The following PPARGC1A variants were observed in gnomAD, a reference collection of about 807,000 sequenced individuals.
The protein encoded by PPARGC1A is peroxisome proliferator-activated receptor gamma coactivator 1-alpha.
A neutral mutation model predicts 88.7 loss-of-function variants in PPARGC1A; 25 were observed. The ratio of observed to expected loss-of-function variants is 0.28; its 90% confidence interval spans 0.21 to 0.39. The LOEUF is 0.39. PPARGC1A is among the 10% of genes least tolerant of loss of function. The pLI is 1.00. For missense variants in PPARGC1A, 880 were observed against 968.7 expected, an observed-to-expected ratio of 0.91 and a Z score of 1.22; for synonymous variants, 363 against 355.6, an observed-to-expected ratio of 1.02 and a Z score of -0.24.
the PPARGC1A span, among the ~76,000 whole-genome samples, chr4:24,206,288 T>C: frequency 3.9e-5 from 6 of 152,218 alleles, no homozygotes; most frequent in Non-Finnish European, 5.9e-5. Context: ...CCTTCTCACC[T>C]AAATTAAGAA....
At chr4:24,046,538 A>C in the PPARGC1A span, among the ~76,000 whole-genome samples, 1 of 152,232 alleles carries the variant, frequency 6.6e-6, no homozygotes, top group Admixed American at 6.5e-5. Flanking sequence ...TTTGCAATGC[A>C]AACTCGACCA....
chr4:23,840,231 G>T (rs1400389192), intron 2 of PPARGC1A, among the ~76,000 whole-genome samples: 1 of 151,992 alleles, frequency 6.6e-6, no homozygotes, highest in East Asian at 1.9e-4. Context: ...GAGGGAGAGC[G>T]GATAGTGCAC....
the PPARGC1A span, among the ~76,000 whole-genome samples, chr4:23,914,672 T>C: frequency 5.3e-5 from 8 of 151,938 alleles, no homozygotes; most frequent in South Asian, 6.3e-4. Flanking sequence ...TCTTCAAAAT[T>C]GTATTTAAAA....
chr4:24,202,911 A>G, the PPARGC1A span, among the ~76,000 whole-genome samples: 1 of 152,192 alleles, frequency 6.6e-6, no homozygotes, highest in Non-Finnish European at 1.5e-5. Flanking sequence ...AGCTTTAAAG[A>G]GTCCACAGTG....
chr4:23,976,389 C>G, the PPARGC1A span, among the ~76,000 whole-genome samples: 1 of 152,164 alleles, frequency 6.6e-6, no homozygotes, highest in Non-Finnish European at 1.5e-5. Flanking sequence ...GGGGTGTTAA[C>G]ACCTTCACAA....
the PPARGC1A span, among the ~76,000 whole-genome samples, chr4:23,982,776 G>C: frequency 6.6e-6 from 1 of 152,182 alleles, no homozygotes; most frequent in Non-Finnish European, 1.5e-5. Flanking sequence ...CACATGGAGA[G>C]AGTTGTAAAG....
the PPARGC1A span, among the ~76,000 whole-genome samples, chr4:23,964,127 G>T: frequency 1.3e-5 from 2 of 152,262 alleles, no homozygotes; most frequent in South Asian, 4.1e-4. Flanking sequence ...ATGCTTCAAT[G>T]GTGCCTGCCT....
the PPARGC1A span, among the ~76,000 whole-genome samples, chr4:24,283,597 C>G: frequency 5.3e-5 from 8 of 152,280 alleles, no homozygotes; most frequent in Admixed American, 1.3e-4. Context: ...AGAATGATAA[C>G]AACCATCAAG....
chr4:24,281,615 G>A, the PPARGC1A span, among the ~76,000 whole-genome samples: 1 of 152,196 alleles, frequency 6.6e-6, no homozygotes, highest in African/African-American at 2.4e-5. Context: ...GTTTGAAGGG[G>A]ACGAAAACCG....
chr4:23,989,956 T>C, the PPARGC1A span, among the ~76,000 whole-genome samples: 1 of 149,146 alleles, frequency 6.7e-6, no homozygotes, highest in East Asian at 2.0e-4. Flanking sequence ...CTACCATGAA[T>C]GCTTATTTCT....
chr4:23,809,297 AAT>A (rs1057293243), intron 10 of PPARGC1A, among the ~76,000 whole-genome samples: 1 of 152,212 alleles, frequency 6.6e-6, no homozygotes, highest in African/African-American at 2.4e-5. Flanking sequence ...GAAGGGAATC[AAT>A]AAAAAAAATT....
At chr4:24,370,957 T>A in the PPARGC1A span, among the ~76,000 whole-genome samples, 1 of 151,872 alleles carries the variant, frequency 6.6e-6, no homozygotes, top group Non-Finnish European at 1.5e-5. Context: ...AAGTCCCTGG[T>A]GTGTGATGTT....
At chr4:24,332,260 G>A in the PPARGC1A span, among the ~76,000 whole-genome samples, 2 of 152,098 alleles carry the variant, frequency 1.3e-5, no homozygotes, top group Non-Finnish European at 2.9e-5. Flanking sequence ...TTACAGGCAT[G>A]AACCACCATG....
chr4:24,016,714 C>T, the PPARGC1A span, among the ~76,000 whole-genome samples: 1 of 152,102 alleles, frequency 6.6e-6, no homozygotes, highest in East Asian at 1.9e-4. Flanking sequence ...TGTTACTGTT[C>T]AAATTGAGAT....
chr4:24,246,381 T>C, the PPARGC1A span, among the ~76,000 whole-genome samples: 1 of 152,188 alleles, frequency 6.6e-6, no homozygotes, highest in Non-Finnish European at 1.5e-5. Context: ...CCCAGCACTT[T>C]TGGAGGCTGA....
chr4:23,964,277 C>A, the PPARGC1A span, among the ~76,000 whole-genome samples: 1 of 152,184 alleles, frequency 6.6e-6, no homozygotes, highest in African/African-American at 2.4e-5. Context: ...AACCAGAATT[C>A]AAACCCAACA....
At position 23,884,774 on chromosome 4, in the gene PPARGC1A, T is replaced by C. The variant is rs1337237971; in HGVS notation, c.212A>G (p.Asn71Ser). The C allele has an allele frequency of 8.7e-6, 14 of 1,613,560 alleles. No homozygotes were observed. Among genetic ancestry groups the C allele is most frequent in the Non-Finnish European group, 1.2e-5 (14 of 1,179,772 alleles). Residue 71 changes from asparagine (N) to serine (S), a missense_variant, in exon 2 of 13, where the codon AAT (asparagine) becomes AGT (serine). Physicochemically the swap from Asn to Ser is conservative, Grantham distance 46. Coordinates refer to ENST00000264867, the MANE Select transcript of PPARGC1A (RefSeq NM_013261.5). ...QSEIISNQYNNEPSNIFEKID... is the reference protein window; with the variant it reads ...QSEIISNQYNSEPSNIFEKID... ...TACCTCAAATATGTTTGAAGGCTCA[T>C]TGTTGTACTGATTGGATATTATTTC...
chr4:24,110,298 T>C, the PPARGC1A span, among the ~76,000 whole-genome samples: 1 of 152,222 alleles, frequency 6.6e-6, no homozygotes, highest in East Asian at 1.9e-4. Flanking sequence ...AAGAGCTCAA[T>C]AAGCTATGCT....
chr4:24,179,193 A>G, the PPARGC1A span, among the ~76,000 whole-genome samples: 1 of 152,176 alleles, frequency 6.6e-6, no homozygotes, highest in South Asian at 2.1e-4. Context: ...TCCTTTTTAG[A>G]TACAAGAACA....
Sources: gnomAD v4.1 joint callset for allele counts (sites outside exome capture counted in the v4.1 genomes callset) on GRCh38, gnomAD v4.1.1 for gene constraint, MANE v1.5 for transcripts, NCBI Gene and HGNC (gene_info 2026-07-23, HGNC 2026-07-21) for gene names.